The following MASP1 variants were observed in gnomAD, a reference collection of about 807,000 sequenced individuals.
MASP1 encodes the protein MBL associated serine protease 1.
A neutral mutation model predicts 77.1 loss-of-function variants in MASP1; 59 were observed. That is an observed-to-expected ratio of 0.77 (90% CI 0.62 to 0.95). MASP1 has a LOEUF of 0.95. MASP1 is among the 40% of genes least tolerant of loss of function. MASP1 has a pLI of 0.00. For synonymous variants in MASP1, 362 were observed against 354.5 expected (o/e 1.02, Z -0.24); for missense variants, 885 against 912.9 (o/e 0.97, Z 0.39).
chr3:187,285,852 G>A lies in MASP1; in HGVS notation c.210C>T (p.Ser70=). ...TCACATAGTCATATTCACAAAGGTA[G>A]GAGGATTCCAAGTTGAAGTGCATGA... ...LYFMHFNLES[S]YLCEYDYVKV... is the part of the protein sequence containing the mutation. Residue 70 remains serine (S), a synonymous_variant, in exon 2 of 11, where the codon TCC becomes TCT. Transcript: ENST00000296280. 1 of 1,614,078 alleles carries A rather than the reference G, an allele frequency of 6.2e-7. No individual in the cohort carries two copies. Among genetic ancestry groups the A allele is most frequent in the South Asian group, 1.1e-5 (1 of 91,076 alleles).
chr3:187,289,748 G>GA (rs1033945541), intron 1 of MASP1, among the ~76,000 whole-genome samples: 3 of 152,160 alleles, frequency 2.0e-5, no homozygotes, highest in Admixed American at 6.5e-5. Flanking sequence ...GAATATAGTA[G>GA]AAAAAATCCT....
At chr3:187,231,089 A>G (rs1712739078), downstream of MASP1, among the ~76,000 whole-genome samples, 1 of 152,146 alleles carries the variant, frequency 6.6e-6, no homozygotes, top group Admixed American at 6.5e-5. Flanking sequence ...TCCATTCCCA[A>G]CAGACGCTCA....
At chr3:187,231,188 G>C (rs1365461225), downstream of MASP1, among the ~76,000 whole-genome samples, 1 of 152,212 alleles carries the variant, frequency 6.6e-6, no homozygotes, top group East Asian at 1.9e-4. Flanking sequence ...AAACTTTATT[G>C]TCTTCAGAAC....
At chr3:187,265,524 C>G (rs539826832) in intron 2 of MASP1, among the ~76,000 whole-genome samples, 1 of 151,240 alleles carries the variant, frequency 6.6e-6, no homozygotes, top group South Asian at 2.1e-4. Context: ...GCCATACATC[C>G]TTTTAGAAGC....
rs140933134 is a variant in MASP1, at chr3:187,236,496, C to T, written c.1375G>A (p.Gly459Ser). 80 of 1,614,054 alleles carry T rather than the reference C, an allele frequency of 5.0e-5. No homozygotes were observed. The highest frequency in any genetic ancestry group is 1.5e-4 in the South Asian group (14 of 91,082). ...ATCAGGGCCTGCCACGGGAAGAGGC[C>T]AGGCTCAGCATTTCGGCCCCCAATG... ...RIIGGRNAEP[G>S]LFPWQALIVV... Residue 459 changes from glycine (G) to serine (S), a missense_variant, in exon 11 of 11, where the codon GGC becomes AGC. Transcript: ENST00000296280.
At chr3:187,241,002 A>C (rs1713591268) in intron 10 of MASP1, among the ~76,000 whole-genome samples, 1 of 152,212 alleles carries the variant, frequency 6.6e-6, no homozygotes, top group Non-Finnish European at 1.5e-5. Flanking sequence ...CTGTTACCAC[A>C]AAATTTTCTT....
chr3:187,236,876 C>A (rs980317605), intron 10 of MASP1, among the ~76,000 whole-genome samples: 1 of 152,302 alleles, frequency 6.6e-6, no homozygotes, highest in Admixed American at 6.5e-5. Context: ...TGACCCAGAC[C>A]ATTTACAGCC....
At chr3:187,249,566 GC>G (rs951850656) in intron 8 of MASP1, among the ~76,000 whole-genome samples, 4 of 152,194 alleles carry the variant, frequency 2.6e-5, no homozygotes, top group Non-Finnish European at 5.9e-5. Context: ...GGGGTTGGAA[GC>G]CTGTATTTTT....
At chr3:187,226,998 C>T (rs564039679) in intron 11 of MASP1, among the ~76,000 whole-genome samples, 1 of 152,308 alleles carries the variant, frequency 6.6e-6, no homozygotes, top group African/African-American at 2.4e-5. Context: ...CAAGACTCTC[C>T]AGTAATTTGT....
intron 3 of MASP1, 104 bp downstream of exon 3, chr3:187,262,439 G>A: frequency 9.0e-7 from 1 of 1,109,674 alleles, no homozygotes; most frequent in African/African-American, 1.5e-5. Context: ...TAAAATCTAT[G>A]TGGTGCACAC....
intron 2 of MASP1, among the ~76,000 whole-genome samples, chr3:187,278,323 A>C (rs923475951): frequency 8.5e-4 from 130 of 152,336 alleles, no homozygotes; most frequent in Non-Finnish European, 1.8e-3. Context: ...ATGTCATTCA[A>C]ATCCTCCCAC....
chr3:187,253,134 G>A (rs1240618961), intron 6 of MASP1, 34 bp downstream of exon 6: 6 of 1,612,584 alleles, frequency 3.7e-6, no homozygotes, highest in Non-Finnish European at 5.1e-6. Flanking sequence ...GCTAAGCACA[G>A]CAGCTCGGTG....
intron 5 of MASP1, among the ~76,000 whole-genome samples, chr3:187,254,338 T>C (rs1016892184): frequency 8.5e-5 from 13 of 152,144 alleles, no homozygotes; most frequent in Admixed American, 3.3e-4. Context: ...TGAGGTAGCA[T>C]TGGGGATCTG....
At chr3:187,244,071 C>T (rs1031824402) in intron 8 of MASP1, 36 of 211,788 alleles carry the variant, frequency 1.7e-4, no homozygotes, top group Non-Finnish European at 1.4e-4. Flanking sequence ...CAATCCTAGG[C>T]TGAGTAACAG....
At chr3:187,226,648 C>A in intron 11 of MASP1, 1 of 705,706 alleles carries the variant, frequency 1.4e-6, no homozygotes, top group Non-Finnish European at 2.6e-6. Context: ...TGCTTCTCTC[C>A]ATTGTATTTT....
At chr3:187,280,505 A>G (rs1717324666) in intron 2 of MASP1, among the ~76,000 whole-genome samples, 3 of 152,228 alleles carry the variant, frequency 2.0e-5, no homozygotes, top group South Asian at 4.1e-4. Context: ...GACTCTCTCC[A>G]TAACTATAGC....
chr3:187,271,136 A>T (rs1453309143), intron 2 of MASP1, among the ~76,000 whole-genome samples: 2 of 152,224 alleles, frequency 1.3e-5, no homozygotes, highest in African/African-American at 2.4e-5. Context: ...TGGGGCCTCA[A>T]AAGTCACCTA....
Position 187,262,651 on chromosome 3 carries a change from C to A in MASP1, c.307G>T (p.Gly103Cys), listed in dbSNP as rs199628370. 2.5e-6 allele frequency: 4 copies of A among 1,614,060 alleles called. No homozygotes were observed. The highest frequency in any genetic ancestry group is 3.4e-6 in the Non-Finnish European group (4 of 1,179,998). ...RETTDTEQTP[G>C]QEVVLSPGSF... ...CCAGGGGAGAGGACCACCTCCTGGCCGGGAGTCTGCTCTGTGTCTGTGGTC... is the reference window on the plus strand; with the variant it reads ...CCAGGGGAGAGGACCACCTCCTGGCAGGGAGTCTGCTCTGTGTCTGTGGTC... Residue 103 changes from glycine to cysteine, a missense_variant, in exon 3 of 11, where the codon GGC becomes TGC. Transcript: ENST00000296280.
chr3:187,226,526 G>A (rs749686469), intron 11 of MASP1: 6 of 1,594,810 alleles, frequency 3.8e-6, no homozygotes, highest in East Asian at 2.3e-5. Flanking sequence ...GGAGCCTGGG[G>A]AACAGAACAC....
Sources: gnomAD v4.1 joint callset for allele counts (sites outside exome capture counted in the v4.1 genomes callset) on GRCh38, gnomAD v4.1.1 for gene constraint, MANE v1.5 for transcripts, NCBI Gene and HGNC (gene_info 2026-07-23, HGNC 2026-07-21) for gene names.